Variants in COX10 observed in about 807,000 individuals in gnomAD.
COX10 encodes the protein protoheme IX farnesyltransferase, mitochondrial.
Under a neutral mutation model 37.3 loss-of-function variants are expected in COX10, and 27 were observed. The observed-to-expected ratio is 0.72, with a 90% confidence interval of 0.53 to 1.00. The LOEUF (loss-of-function observed/expected upper bound fraction) is 1.00. Ranked by LOEUF, COX10 falls within the 50% of genes least tolerant of loss-of-function variation. COX10 has a pLI of 0.00. For synonymous variants in COX10, 222 were observed against 229.1 expected (o/e 0.97, Z 0.28); for missense variants, 475 against 563.2 (o/e 0.84, Z 1.59).
intron 4 of COX10, among the ~76,000 whole-genome samples, chr17:14,148,604 A>G (rs1904799781): frequency 6.6e-6 from 1 of 152,194 alleles, no homozygotes; most frequent in Admixed American, 6.5e-5. Context: ...ACTCTCTAGA[A>G]GAATGTTGTG....
intron 4 of COX10, among the ~76,000 whole-genome samples, chr17:14,147,768 C>G (rs1363983696): frequency 2.0e-5 from 3 of 149,212 alleles, no homozygotes; most frequent in Non-Finnish European, 4.4e-5. Flanking sequence ...TACTACGTAC[C>G]TATAAAAATT....
At chr17:14,168,791 C>T (rs887628004) in intron 5 of COX10, among the ~76,000 whole-genome samples, 1 of 152,198 alleles carries the variant, frequency 6.6e-6, no homozygotes, top group Non-Finnish European at 1.5e-5. Flanking sequence ...GCCCTGGGCT[C>T]AGCCCACGAA....
intron 5 of COX10, among the ~76,000 whole-genome samples, chr17:14,170,195 C>G (rs1302320634): frequency 6.6e-6 from 1 of 152,128 alleles, no homozygotes; most frequent in African/African-American, 2.4e-5. Context: ...TATAGCAACA[C>G]AAAATGGACT....
At chr17:14,089,076 A>G (rs1182846914) in intron 3 of COX10, among the ~76,000 whole-genome samples, 1 of 152,186 alleles carries the variant, frequency 6.6e-6, no homozygotes, top group Non-Finnish European at 1.5e-5. Context: ...CTATCATTTT[A>G]AAAGCCCAAA....
intron 2 of COX10, among the ~76,000 whole-genome samples, chr17:14,076,426 C>T (rs549232623): frequency 1.4e-5 from 2 of 146,936 alleles, no homozygotes; most frequent in South Asian, 4.4e-4. Flanking sequence ...GTTAAGCCTC[C>T]AGGGAAAATT....
intron 3 of COX10, among the ~76,000 whole-genome samples, chr17:14,095,214 T>G (rs561238621): frequency 1.3e-5 from 2 of 152,358 alleles, no homozygotes; most frequent in Admixed American, 6.5e-5. Context: ...GGATTTACAT[T>G]AGGAGAGAAA....
At chr17:14,206,156 G>A (rs537256469) in intron 6 of COX10, among the ~76,000 whole-genome samples, 3 of 152,120 alleles carry the variant, frequency 2.0e-5, no homozygotes, top group Non-Finnish European at 2.9e-5. Flanking sequence ...ACAGATCAGA[G>A]CCAGGGTGTG....
At chr17:14,077,269 T>C (rs542840966) in intron 3 of COX10, 1 of 555,678 alleles carries the variant, frequency 1.8e-6, no homozygotes, top group African/African-American at 1.9e-5. Flanking sequence ...AAGTATTGTA[T>C]TAAAAATAGT....
At chr17:14,121,355 A>T (rs1431992028) in intron 4 of COX10, among the ~76,000 whole-genome samples, 2 of 152,224 alleles carry the variant, frequency 1.3e-5, no homozygotes, top group African/African-American at 4.8e-5. Flanking sequence ...AGGCTGAGGG[A>T]TGCGTATCTT....
In COX10 at chr17:14,207,215, A is replaced by G. The variant is rs766853368; in HGVS notation, c.*2A>G. 43 of 1,586,364 alleles carry G rather than the reference A, an allele frequency of 2.7e-5. 1 individual carries two copies. In the South Asian group the frequency reaches 4.5e-4, roughly 17 times the overall value. On this transcript the variant is annotated 3_prime_UTR_variant, in exon 7 of 7. Coordinates refer to ENST00000261643, the MANE Select transcript of COX10 (RefSeq NM_001303.4). ...GACGCAGGGCCCCCTCCCAGCTGAG[A>G]GCACTGGGACGCCCACCGCCCCTTT...
chr17:14,181,315 T>C (rs1352327474), intron 5 of COX10, among the ~76,000 whole-genome samples: 1 of 151,850 alleles, frequency 6.6e-6, no homozygotes, highest in Non-Finnish European at 1.5e-5. Context: ...TGAAGAAGCA[T>C]TTTTTGTTTG....
chr17:14,123,152 G>T (rs961363188), intron 4 of COX10, among the ~76,000 whole-genome samples: 15 of 152,162 alleles, frequency 9.9e-5, no homozygotes, highest in Admixed American at 3.3e-4. Flanking sequence ...TTCACCACAT[G>T]AGTAAAGAGT....
chr17:14,094,895 G>A (rs575786796), intron 3 of COX10, among the ~76,000 whole-genome samples: 4 of 152,294 alleles, frequency 2.6e-5, no homozygotes, highest in East Asian at 3.9e-4. Context: ...CCCTTGGCAC[G>A]GACAGGAGCC....
chr17:14,207,353 T>G lies in COX10; in HGVS notation c.*140T>G, dbSNP rs762095727. On this transcript the variant is annotated 3_prime_UTR_variant, in exon 7 of 7. Coordinates refer to ENST00000261643, the MANE Select transcript of COX10 (RefSeq NM_001303.4). The stretch of plus-strand genomic sequence containing the variant: ...CGGTGCTCAGTGATCACTTGACAGT[T>G]TTTTTTTTTTTTAAATATTACCCAA... 1 of 708,460 alleles carries G rather than the reference T, an allele frequency of 1.4e-6. No individual in the cohort carries two copies. The highest frequency in any genetic ancestry group is 1.8e-6 in the Non-Finnish European group (1 of 543,448). 43.9% of individuals were successfully genotyped at this position (708,460 alleles called of 1,614,324 possible). A position where few individuals can be genotyped will look rare whatever the true frequency, so the allele number is the denominator to read the frequency against.
intron 1 of COX10, among the ~76,000 whole-genome samples, chr17:14,071,472 G>A (rs1033113266): frequency 7.9e-5 from 12 of 152,192 alleles, no homozygotes; most frequent in African/African-American, 2.7e-4. Flanking sequence ...GCTTGATGGG[G>A]AAGCAGCATG....
At position 14,147,664 on chromosome 17, in the gene COX10, A is replaced by G. The variant is rs1003943807; in HGVS notation, c.625-12213A>G. 1.6e-4 allele frequency among the ~76,000 whole-genome samples: 24 copies of G among 148,780 alleles called. No individual in the cohort carries two copies. In the South Asian group the frequency reaches 4.3e-3, roughly 27 times the overall value. ...AACTGAATTGTTTGTAACACAAAAGATAAGTGTTTGAGGGGATGGATACCC... is the reference window on the plus strand; with the variant it reads ...AACTGAATTGTTTGTAACACAAAAGGTAAGTGTTTGAGGGGATGGATACCC... On this transcript the variant is annotated intron_variant, in intron 4 of 6. Coordinates refer to ENST00000261643, the MANE Select transcript of COX10 (RefSeq NM_001303.4).
chr17:14,098,504 G>A (rs1178839133), intron 3 of COX10, among the ~76,000 whole-genome samples: 3 of 152,156 alleles, frequency 2.0e-5, no homozygotes, highest in Non-Finnish European at 4.4e-5. Context: ...CTGTCCAGGA[G>A]GTTTTGCAAT....
intron 6 of COX10, among the ~76,000 whole-genome samples, chr17:14,196,740 C>T (rs544290468): frequency 4.9e-4 from 74 of 152,256 alleles, no homozygotes; most frequent in South Asian, 1.0e-3. Flanking sequence ...TCCCCTCCTC[C>T]ACTTCCTTCT....
chr17:14,127,157 G>C (rs914246103), intron 4 of COX10, among the ~76,000 whole-genome samples: 3 of 152,144 alleles, frequency 2.0e-5, no homozygotes, highest in Admixed American at 6.5e-5. Context: ...TTAAGGAAAG[G>C]CATAAAGAAA....
Sources: allele counts gnomAD v4.1 joint callset (sites outside exome capture counted in the v4.1 genomes callset), GRCh38; gene constraint gnomAD v4.1.1; transcripts MANE v1.5; gene names NCBI Gene and HGNC (gene_info 2026-07-23, HGNC 2026-07-21).